POLR1A: variants seen among roughly 807,000 people sequenced by gnomAD.
POLR1A encodes the protein RNA polymerase I subunit A.
POLR1A carries 84 observed loss-of-function variants against 205.3 expected under a neutral mutation model. That is an observed-to-expected ratio of 0.41 (90% CI 0.34 to 0.49). POLR1A has a LOEUF of 0.49. POLR1A is among the 20% of genes least tolerant of loss of function. The probability of loss-of-function intolerance (pLI) is 0.22; values close to 1 mark genes in which losing one functional copy is unlikely to be tolerated. For missense variants in POLR1A, 1,645 were observed against 2,204.5 expected (o/e 0.75, Z 5.08); for synonymous variants, 799 against 863.7 (o/e 0.93, Z 1.31).
chr2:86,052,559 C>T (rs892427044), intron 16 of POLR1A, among the ~76,000 whole-genome samples: 1 of 152,210 alleles, frequency 6.6e-6, no homozygotes, highest in African/African-American at 2.4e-5. Flanking sequence ...GAATTTCTAG[C>T]TGTGTAATGT....
intron 11 of POLR1A, among the ~76,000 whole-genome samples, chr2:86,077,215 C>T (rs140797284): frequency 3.9e-5 from 6 of 152,218 alleles, no homozygotes; most frequent in South Asian, 2.1e-4. Flanking sequence ...AGGAGGAAGC[C>T]GATTAAAGGC....
intron 14 of POLR1A, among the ~76,000 whole-genome samples, chr2:86,062,014 G>C (rs1291266283): frequency 1.3e-5 from 2 of 152,158 alleles, no homozygotes; most frequent in Non-Finnish European, 2.9e-5. Context: ...AATAATGAGA[G>C]ACCTTCGGTT....
At chr2:86,094,000 T>C (rs762922937) in intron 3 of POLR1A, among the ~76,000 whole-genome samples, 27 of 152,362 alleles carry the variant, frequency 1.8e-4, no homozygotes, top group South Asian at 4.1e-4. Flanking sequence ...GCATGTCTGA[T>C]GTTTCCTCAT....
chr2:86,082,982 A>G (rs1252271879), intron 7 of POLR1A, 100 bp downstream of exon 7: 11 of 878,558 alleles, frequency 1.3e-5, no homozygotes, highest in Non-Finnish European at 1.9e-5. Context: ...AGGAAGCTAC[A>G]ATCACTACAA....
rs1355987533 is a variant in POLR1A, at chr2:86,026,346, AG to A, written c.*1076del. ...GAAAAAATTGTTGTAAAAAAAACCA[AG>A]TTTTTTTTCTTTCCTAATAGCTAGT... On this transcript the variant is annotated 3_prime_UTR_variant, in exon 34 of 34. Transcript: ENST00000263857. 6.6e-6 allele frequency: 1 copy of A among 152,200 alleles called. No homozygotes were observed. Among genetic ancestry groups the A allele is most frequent in the African/African-American group, 2.4e-5 (1 of 41,440 alleles). The allele number at this position is 152,200 out of a possible 1,614,324, so 9.4% of individuals were successfully genotyped here.
At chr2:86,053,874 GC>G (rs1450197131) in intron 15 of POLR1A, among the ~76,000 whole-genome samples, 1 of 152,186 alleles carries the variant, frequency 6.6e-6, no homozygotes, top group Non-Finnish European at 1.5e-5. Flanking sequence ...ACTCTGCATT[GC>G]CAAGCTTTGC....
chr2:86,055,186 T>A lies in POLR1A; in HGVS notation c.2059-897A>T, dbSNP rs1379335023. Among the ~76,000 whole-genome samples, 2 of 152,060 alleles carry A rather than the reference T, an allele frequency of 1.3e-5. 1 individual carries two copies. The highest frequency in any genetic ancestry group is 3.9e-4 in the East Asian group (2 of 5,194). On this transcript the variant is annotated intron_variant, in intron 14 of 33. Coordinates refer to ENST00000263857, the MANE Select transcript of POLR1A (RefSeq NM_015425.6). ...GGCGTGCACCTATACTTCCAGCTAC[T>A]CAGGAGGCTGAGGCACGATAACCGC...
rs1378560520 is a variant in POLR1A, at chr2:86,029,342, T to C, written c.4780-631A>G. 5.9e-5 allele frequency among the ~76,000 whole-genome samples: 9 copies of C among 151,496 alleles called. No individual in the cohort carries two copies. In the East Asian group the frequency reaches 1.8e-3, roughly 30 times the overall value. On this transcript the variant is annotated intron_variant, in intron 31 of 33. Transcript: ENST00000263857. ...GCTTTGCCAGCTTAGCATAGACTTG[T>C]TGGGGGGTTAGGCTAGAGGGCCCCA... is the stretch of plus-strand genomic sequence containing the variant.
intron 13 of POLR1A, among the ~76,000 whole-genome samples, chr2:86,067,848 T>C (rs781447220): frequency 7.9e-5 from 12 of 152,178 alleles, no homozygotes; most frequent in Non-Finnish European, 1.8e-4. Context: ...ATAAAATTTA[T>C]CAAGAATCAA....
rs549564110 is a variant in POLR1A at position 86,081,221 on chromosome 2, C to T, written c.924-243G>A. 1.6e-3 allele frequency among the ~76,000 whole-genome samples: 247 copies of T among 152,098 alleles called. 2 individuals are homozygous for T. The highest frequency in any genetic ancestry group is 5.8e-3 in the African/African-American group (241 of 41,488). ...GACCAGCCTGGCCAACATGGTGAAA[C>T]CCCATCTCTATGTAAAATACAAAAA... On this transcript the variant is annotated intron_variant, in intron 8 of 33. Coordinates refer to ENST00000263857, the MANE Select transcript of POLR1A (RefSeq NM_015425.6).
intron 3 of POLR1A, among the ~76,000 whole-genome samples, chr2:86,092,278 G>T (rs893718081): frequency 1.3e-5 from 2 of 152,154 alleles, no homozygotes; most frequent in Non-Finnish European, 2.9e-5. Flanking sequence ...CATATCCTAC[G>T]GTCCCTGGAA....
At chr2:86,100,895 T>C (rs1438905166) in intron 1 of POLR1A, among the ~76,000 whole-genome samples, 5 of 152,092 alleles carry the variant, frequency 3.3e-5, no homozygotes, top group Non-Finnish European at 7.4e-5. Context: ...ACATGTACTT[T>C]TCAGAGGACG....
chr2:86,040,316 C>A (rs1318381350), intron 25 of POLR1A, 76 bp downstream of exon 25: 1 of 1,173,412 alleles, frequency 8.5e-7, no homozygotes, highest in Non-Finnish European at 1.2e-6. Flanking sequence ...CACTCACTCA[C>A]CCCCTCTCAT....
At chr2:86,029,421 G>A (rs1469568137) in intron 31 of POLR1A, among the ~76,000 whole-genome samples, 3 of 152,118 alleles carry the variant, frequency 2.0e-5, no homozygotes, top group Non-Finnish European at 4.4e-5. Flanking sequence ...AGTTGGTGAA[G>A]TGGGAGTACT....
chr2:86,057,045 G>A (rs1672909943), intron 14 of POLR1A, among the ~76,000 whole-genome samples: 1 of 152,164 alleles, frequency 6.6e-6, no homozygotes, highest in African/African-American at 2.4e-5. Context: ...TAAGGCTGTA[G>A]CTGCCATAGA....
At chr2:86,031,043 G>C (rs561334266) in intron 30 of POLR1A, among the ~76,000 whole-genome samples, 1 of 152,314 alleles carries the variant, frequency 6.6e-6, no homozygotes, top group South Asian at 2.1e-4. Flanking sequence ...TGAAAGATCG[G>C]GGAGAACTGG....
chr2:86,074,577 G>A (rs1190948222), intron 12 of POLR1A, among the ~76,000 whole-genome samples: 1 of 152,094 alleles, frequency 6.6e-6, no homozygotes, highest in African/African-American at 2.4e-5. Flanking sequence ...CAGCACTATG[G>A]GCTAGCATTA....
rs980839336 is a variant in POLR1A, at chr2:86,025,368, G to A, written c.*2055C>T. ...TCTTAAGCTGCCAAGGCCACTCTCAGAGGCTTCCGAGCATAGAGAACCACC... is the reference window on the plus strand; with the variant it reads ...TCTTAAGCTGCCAAGGCCACTCTCAAAGGCTTCCGAGCATAGAGAACCACC... On this transcript the variant is annotated 3_prime_UTR_variant, in exon 34 of 34. Transcript: ENST00000263857. The A allele has an allele frequency of 2.6e-5, 4 of 152,240 alleles. No homozygotes were observed. The highest frequency in any genetic ancestry group is 5.9e-5 in the Non-Finnish European group (4 of 68,062). The allele number at this position is 152,240 out of a possible 1,614,324, so 9.4% of individuals were successfully genotyped here. A position where few individuals can be genotyped will look rare whatever the true frequency, so the allele number is the denominator to read the frequency against.
At chr2:86,031,974 A>C (rs1672405946) in intron 29 of POLR1A, among the ~76,000 whole-genome samples, 1 of 152,170 alleles carries the variant, frequency 6.6e-6, no homozygotes, top group African/African-American at 2.4e-5. Flanking sequence ...TTCATTGTAA[A>C]AACCAGAGGC....
Sources: allele counts gnomAD v4.1 joint callset (sites outside exome capture counted in the v4.1 genomes callset), GRCh38; gene constraint gnomAD v4.1.1; transcripts MANE v1.5; gene names NCBI Gene and HGNC (gene_info 2026-07-23, HGNC 2026-07-21).